The following EMC3 variants were observed in gnomAD, a reference collection of about 807,000 sequenced individuals.
The protein encoded by EMC3 is ER membrane protein complex subunit 3, also known as 30 kDa protein.
A neutral mutation model predicts 36.6 loss-of-function variants in EMC3; 13 were observed. The observed-to-expected ratio is 0.35, with a 90% confidence interval of 0.23 to 0.56. The LOEUF (loss-of-function observed/expected upper bound fraction) is 0.56, where lower values mean the gene tolerates loss of function less well. Ranked by LOEUF, EMC3 falls within the 20% of genes least tolerant of loss-of-function variation. The probability of loss-of-function intolerance (pLI) is 0.84; values close to 1 mark genes in which losing one functional copy is unlikely to be tolerated. For missense variants in EMC3, 220 were observed against 324.5 expected (o/e 0.68, Z 2.47); for synonymous variants, 120 against 111.9 (o/e 1.07, Z -0.46).
chr3:10,005,635 C>T (rs1431576942), intron 1 of EMC3, among the ~76,000 whole-genome samples: 1 of 152,144 alleles, frequency 6.6e-6, no homozygotes, highest in African/African-American at 2.4e-5. Flanking sequence ...AGGAAGTGTC[C>T]TTCACTGTAA....
rs756069988 is a variant in EMC3 at position 9,963,454 on chromosome 3, G to GATAGATATAT, written c.*614_*615insATATATCTAT. 9.0e-5 allele frequency: 9 copies of GATAGATATAT among 99,712 alleles called. No homozygotes were observed. Among genetic ancestry groups the GATAGATATAT allele is most frequent in the African/African-American group, 1.7e-4 (4 of 23,732 alleles). 6.2% of individuals were successfully genotyped at this position (99,712 alleles called of 1,614,324 possible). A position where few individuals can be genotyped will look rare whatever the true frequency, so the allele number is the denominator to read the frequency against. The stretch of plus-strand genomic sequence containing the variant: ...CGAAGACTGGGCTTCTGCTAAGATA[G>GATAGATATAT]ATATATATATATATATATATATATT... On this transcript the variant is annotated 3_prime_UTR_variant, in exon 8 of 8. Coordinates refer to ENST00000245046, the MANE Select transcript of EMC3 (RefSeq NM_001394674.1).
At chr3:9,998,390 T>TAAC (rs1375038812) in intron 1 of EMC3, among the ~76,000 whole-genome samples, 1 of 147,052 alleles carries the variant, frequency 6.8e-6, no homozygotes, top group Admixed American at 6.8e-5. Context: ...ATAATAATAA[T>TAAC]AATAATAATA....
intron 1 of EMC3, among the ~76,000 whole-genome samples, chr3:9,984,446 G>C (rs1351557726): frequency 1.3e-5 from 2 of 151,550 alleles, no homozygotes; most frequent in Non-Finnish European, 2.9e-5. Flanking sequence ...TTGAAGTGCA[G>C]TGGCGCGATC....
intron 1 of EMC3, among the ~76,000 whole-genome samples, chr3:9,979,423 C>T (rs1324218574): frequency 6.6e-6 from 1 of 152,208 alleles, no homozygotes; most frequent in Non-Finnish European, 1.5e-5. Flanking sequence ...TGGGTAAAAA[C>T]TTAAGCTCTG....
At chr3:9,977,706 C>T (rs2085864435) in intron 1 of EMC3, among the ~76,000 whole-genome samples, 1 of 152,174 alleles carries the variant, frequency 6.6e-6, no homozygotes, top group African/African-American at 2.4e-5. Flanking sequence ...ACATTTGGGA[C>T]ATTACACTCA....
intron 7 of EMC3, chr3:9,968,910 C>A (rs2124900569): frequency 6.6e-6 from 1 of 152,058 alleles, no homozygotes; most frequent in African/African-American, 2.4e-5. Flanking sequence ...GCAAACTCCA[C>A]CTCCTGAGTT....
At chr3:10,006,380 A>G (rs1355239779) in intron 1 of EMC3, 2 of 152,286 alleles carry the variant, frequency 1.3e-5, no homozygotes, top group South Asian at 2.1e-4. Context: ...GGCTGAAGAC[A>G]AAAATCAAGT....
chr3:9,981,855 A>T (rs2085915012), intron 1 of EMC3: 1 of 345,158 alleles, frequency 2.9e-6, no homozygotes, highest in African/African-American at 2.3e-5. Context: ...GTCAAGTCTG[A>T]GAACCATTTT....
intron 1 of EMC3, chr3:10,008,500 C>G (rs1327584355): frequency 1.5e-6 from 2 of 1,366,124 alleles, no homozygotes. Context: ...GGGGGGCTGA[C>G]AGCCATGGAG....
chr3:10,001,858 G>T (rs1445450350), intron 1 of EMC3, among the ~76,000 whole-genome samples: 1 of 152,016 alleles, frequency 6.6e-6, no homozygotes, highest in Non-Finnish European at 1.5e-5. Context: ...AGTTAGCCAG[G>T]CGTGGTGGCG....
intron 1 of EMC3, among the ~76,000 whole-genome samples, chr3:9,999,800 C>T (rs1351005173): frequency 1.3e-5 from 2 of 152,058 alleles, no homozygotes; most frequent in Non-Finnish European, 2.9e-5. Flanking sequence ...AGCATGTGAC[C>T]TTATAGATCA....
intron 1 of EMC3, chr3:9,994,269 G>T (rs1235171155): frequency 1.6e-6 from 2 of 1,251,676 alleles, no homozygotes; most frequent in Non-Finnish European, 2.3e-6. Context: ...AATTTCATTT[G>T]GCAGTCTCCT....
intron 1 of EMC3, among the ~76,000 whole-genome samples, chr3:9,982,653 C>T (rs780815410): frequency 4.6e-5 from 7 of 151,874 alleles, no homozygotes; most frequent in Non-Finnish European, 7.4e-5. Flanking sequence ...TGTGGAAGGC[C>T]GAGATGGAAG....
chr3:9,986,457 G>A, intron 1 of EMC3, 50 bp downstream of exon 1: 3 of 1,595,704 alleles, frequency 1.9e-6, no homozygotes, highest in Non-Finnish European at 2.6e-6. Context: ...GCACTTTTTT[G>A]CCCAAGGTCA....
intron 1 of EMC3, chr3:10,000,654 C>T (rs2086187576): frequency 2.1e-6 from 1 of 474,314 alleles, no homozygotes; most frequent in Non-Finnish European, 4.2e-6. Context: ...TCATTAGTAG[C>T]TTTTTTAAGA....
chr3:10,008,259 G>A (rs2086286001), intron 1 of EMC3: 9 of 520,580 alleles, frequency 1.7e-5, no homozygotes, highest in South Asian at 1.5e-4. Context: ...TTCTGGCTGT[G>A]ACCTGTGGTA....
At chr3:10,002,815 T>C in intron 1 of EMC3, 1 of 456,054 alleles carries the variant, frequency 2.2e-6, no homozygotes, top group Non-Finnish European at 4.4e-6. Flanking sequence ...GTCTTCCCCC[T>C]CCACGCAGAG....
intron 1 of EMC3, among the ~76,000 whole-genome samples, chr3:9,997,728 G>A (rs1253243960): frequency 1.3e-5 from 2 of 152,148 alleles, no homozygotes; most frequent in African/African-American, 2.4e-5. Flanking sequence ...CCAAAGTGCT[G>A]GGACTACAGG....
upstream of EMC3, among the ~76,000 whole-genome samples, chr3:9,987,466 C>T (rs1406046121): frequency 6.6e-6 from 1 of 152,114 alleles, no homozygotes; most frequent in Non-Finnish European, 1.5e-5. Context: ...GGCTTTTACC[C>T]TCACCCCCTT....
Sources: gnomAD v4.1 joint callset for allele counts (sites outside exome capture counted in the v4.1 genomes callset) on GRCh38, gnomAD v4.1.1 for gene constraint, MANE v1.5 for transcripts, NCBI Gene and HGNC (gene_info 2026-07-23, HGNC 2026-07-21) for gene names.